Variants in HIVEP1 observed in about 807,000 individuals in gnomAD.
HIVEP1 encodes zinc finger protein 40.
Under a neutral mutation model 180.0 loss-of-function variants are expected in HIVEP1, and 36 were observed. The observed-to-expected ratio is 0.20, with a 90% CI of 0.15 to 0.26. The LOEUF is 0.26. HIVEP1 is among the 10% of genes least tolerant of loss of function. The pLI, the probability that HIVEP1 is intolerant of heterozygous loss-of-function variation, is 1.00. For synonymous variants in HIVEP1, 1,239 were observed against 1,239.0 expected (o/e 1.00, Z 0.00); for missense variants, 3,143 against 3,268.7 (o/e 0.96, Z 0.94).
In HIVEP1 at chr6:12,123,390, T is replaced by C; in HGVS notation, c.3595T>C (p.Ser1199Pro). Residue 1199 changes from serine to proline, a missense_variant, in exon 4 of 9, where the codon TCA becomes CCA. Ser to Pro is a moderately conservative substitution (Grantham distance 74, BLOSUM62 -1). This residue lies in a region of HIVEP1 where 1,357 missense variants were observed against 1,260.5 expected (regional missense o/e 1.08). Transcript: ENST00000379388. Reference sequence around the variant, plus strand: ...GTCTCATCCTCACCAGCTTGCACTATCAGACGCTCTCAGAGGAGAACTTCA... The same window carrying C: ...GTCTCATCCTCACCAGCTTGCACTACCAGACGCTCTCAGAGGAGAACTTCA... ...DGSHPHQLAL[S>P]DALRGELQES... The C allele has an allele frequency of 1.2e-6, 2 of 1,614,126 alleles. No homozygotes were observed. Among genetic ancestry groups the C allele is most frequent in the South Asian group, 2.2e-5 (2 of 91,076 alleles).
chr6:12,211,319 G>C, the HIVEP1 span, among the ~76,000 whole-genome samples: 1 of 102,672 alleles, frequency 9.7e-6, no homozygotes, highest in South Asian at 3.1e-4. Flanking sequence ...AGAATGGCGT[G>C]AACCCGGGAG....
At position 12,123,577 on chromosome 6, in the gene HIVEP1, G is replaced by T. The variant is rs766945057; in HGVS notation, c.3782G>T (p.Ser1261Ile). The change falls in exon 4 of 9, where the codon AGT becomes ATT. Residue 1261 changes from serine to isoleucine, a missense_variant. By Grantham distance (142) the Ser-to-Ile change is moderately radical. Around this residue, in one of 12 missense-constraint regions of HIVEP1, gnomAD observed 1,357 missense variants for 1,260.5 expected, o/e 1.08. Transcript: ENST00000379388. ...CHDQEKSEKFSWPQRSETLSK... is the reference protein window; with the variant it reads ...CHDQEKSEKFIWPQRSETLSK... ...GATCAAGAAAAGTCAGAGAAGTTCA[G>T]TTGGCCCCAGCGTAGTGAAACCTTG... The T allele has an allele frequency of 9.3e-6, 15 of 1,613,980 alleles. No homozygotes were observed. The East Asian group carries it at 1.6e-4, about 17-fold the overall frequency.
downstream of HIVEP1, among the ~76,000 whole-genome samples, chr6:12,166,498 T>C (rs374439295): frequency 8.5e-5 from 13 of 152,244 alleles, no homozygotes; most frequent in East Asian, 3.8e-4. Context: ...ACCTTTACTA[T>C]TGGCAACTTT....
At chr6:12,018,228 C>T (rs561224542) in intron 2 of HIVEP1, among the ~76,000 whole-genome samples, 1 of 152,368 alleles carries the variant, frequency 6.6e-6, no homozygotes, top group East Asian at 1.9e-4. Flanking sequence ...AGCTGGCCTA[C>T]AAGCGCCACG....
rs367826618 is a variant in HIVEP1 at position 12,121,227 on chromosome 6, G to A, written c.1432G>A (p.Glu478Lys). The change falls in exon 4 of 9, where the codon GAG becomes AAG. Residue 478 changes from glutamate (E) to lysine (K), a missense_variant. Glu to Lys is a moderately conservative substitution (Grantham distance 56, BLOSUM62 1). This residue lies in a region of HIVEP1 where 365 missense variants were observed against 344.4 expected (regional missense o/e 1.06). Transcript: ENST00000379388. The surrounding 1 kb of genome is among the most constrained non-coding windows in gnomAD (Gnocchi z 5.3). ...TGCTGGTGGCTTGTTCTTGTCCCACGAGTCCCCCAAAGCACTTAGTATTCA... is the reference window on the plus strand; with the variant it reads ...TGCTGGTGGCTTGTTCTTGTCCCACAAGTCCCCCAAAGCACTTAGTATTCA... Reference protein sequence around the residue: ...PDAGGLFLSHESPKALSIHSD... With the variant: ...PDAGGLFLSHKSPKALSIHSD... The A allele has an allele frequency of 2.5e-6, 4 of 1,614,088 alleles. No individual in the cohort carries two copies. The highest frequency in any genetic ancestry group is 2.5e-6 in the Non-Finnish European group (3 of 1,180,034).
At chr6:12,188,957 G>A in the HIVEP1 span, among the ~76,000 whole-genome samples, 1 of 151,850 alleles carries the variant, frequency 6.6e-6, no homozygotes, top group Non-Finnish European at 1.5e-5. Flanking sequence ...AAATAAAACA[G>A]TTTATTATTG....
intron 2 of HIVEP1, among the ~76,000 whole-genome samples, chr6:12,028,818 A>G (rs1768749824): frequency 6.6e-6 from 1 of 152,228 alleles, no homozygotes; most frequent in Non-Finnish European, 1.5e-5. Context: ...GTTTTAGAAC[A>G]TGTCTGTCAC....
intron 4 of HIVEP1, among the ~76,000 whole-genome samples, chr6:12,126,496 G>C (rs1466862402): frequency 6.6e-6 from 1 of 152,146 alleles, no homozygotes; most frequent in East Asian, 1.9e-4. Context: ...ACTGTAACTT[G>C]GGGTAATTTG....
chr6:12,106,872 A>G (rs1774462594), intron 3 of HIVEP1, among the ~76,000 whole-genome samples: 1 of 151,978 alleles, frequency 6.6e-6, no homozygotes, highest in Admixed American at 6.6e-5. Flanking sequence ...GTATTTTCTT[A>G]GTTTGCTAGT....
chr6:12,185,428 T>C, the HIVEP1 span, among the ~76,000 whole-genome samples: 1 of 152,216 alleles, frequency 6.6e-6, no homozygotes, highest in Non-Finnish European at 1.5e-5. Context: ...CTCCATGATT[T>C]CTGGCAGAGA....
downstream of HIVEP1, chr6:12,165,047 C>A: frequency 2.1e-6 from 1 of 476,184 alleles, no homozygotes; most frequent in Non-Finnish European, 4.1e-6. Context: ...GATCAGTGAT[C>A]TGCATTTGGA....
At chr6:12,052,587 C>A (rs1265045831) in intron 2 of HIVEP1, among the ~76,000 whole-genome samples, 1 of 152,168 alleles carries the variant, frequency 6.6e-6, no homozygotes, top group African/African-American at 2.4e-5. Flanking sequence ...GGAATTAAAA[C>A]TATCTTATGA....
rs191623839 is a variant in HIVEP1, at chr6:12,107,666, G to A, written c.95-12224G>A. Reference sequence around the variant, plus strand: ...GTGAAGCTGCAGACCTTCGTGGTGAGTGTTACAGCTCATAAAGGCAGTGTG... The same window carrying A: ...GTGAAGCTGCAGACCTTCGTGGTGAATGTTACAGCTCATAAAGGCAGTGTG... On this transcript the variant is annotated intron_variant, in intron 3 of 8. Transcript: ENST00000379388. 7.0e-4 allele frequency among the ~76,000 whole-genome samples: 106 copies of A among 152,346 alleles called. 2 individuals are homozygous for A. The East Asian group carries it at 0.02, about 29-fold the overall frequency.
chr6:12,122,571 T>C lies in HIVEP1; in HGVS notation c.2776T>C (p.Cys926Arg), dbSNP rs780949844. The C allele has an allele frequency of 4.3e-6, 7 of 1,614,168 alleles. No individual in the cohort carries two copies. The highest frequency in any genetic ancestry group is 4.2e-6 in the Non-Finnish European group (5 of 1,180,040). The change falls in exon 4 of 9, where the codon TGC (cysteine) becomes CGC (arginine). Residue 926 changes from cysteine to arginine, a missense_variant. Cys to Arg is a radical substitution (Grantham distance 180). This residue lies in a region of HIVEP1 where 204 missense variants were observed against 243.7 expected (regional missense o/e 0.84). Coordinates refer to ENST00000379388, the MANE Select transcript of HIVEP1 (RefSeq NM_002114.4). ...GQSLDESHQG[C>R]HAAGEAMSVR... ...GTCCCTGGATGAGAGCCACCAAGGA[T>C]GCCATGCTGCTGGTGAAGCCATGTC...
chr6:12,175,614 T>C, the HIVEP1 span, among the ~76,000 whole-genome samples: 2 of 152,232 alleles, frequency 1.3e-5, no homozygotes, highest in East Asian at 3.8e-4. Flanking sequence ...TTACACCCTA[T>C]TTTTAAATAC....
intron 2 of HIVEP1, among the ~76,000 whole-genome samples, chr6:12,075,355 G>T (rs1772281770): frequency 6.6e-6 from 1 of 152,118 alleles, no homozygotes; most frequent in South Asian, 2.1e-4. Flanking sequence ...TTTCAGCTTT[G>T]GTGTGTGCAA....
At chr6:12,104,430 T>TTTTC (rs1774310701) in intron 3 of HIVEP1, among the ~76,000 whole-genome samples, 1 of 119,640 alleles carries the variant, frequency 8.4e-6, no homozygotes, top group Admixed American at 8.4e-5. Context: ...CTTTCCTTTT[T>TTTTC]TTTTTTTTTT....
Position 12,120,638 on chromosome 6 carries a change from T to G in HIVEP1, c.843T>G (p.Ser281=), listed in dbSNP as rs1775514160. 6.2e-6 allele frequency: 10 copies of G among 1,614,216 alleles called. No homozygotes were observed. The highest frequency in any genetic ancestry group is 6.8e-6 in the Non-Finnish European group (8 of 1,180,034). The part of the protein sequence containing the change: ...KNEQGAMQSA[S]HLYHQHEHFV... ...AGCAAGGGGCAATGCAGTCAGCTTCTCATTTGTATCATCAACATGAACACT... is the reference window on the plus strand; with the variant it reads ...AGCAAGGGGCAATGCAGTCAGCTTCGCATTTGTATCATCAACATGAACACT... The change falls in exon 4 of 9, where the codon TCT becomes TCG. Residue 281 remains serine, a synonymous_variant. Coordinates refer to ENST00000379388, the MANE Select transcript of HIVEP1 (RefSeq NM_002114.4).
chr6:12,180,091 G>A, the HIVEP1 span, among the ~76,000 whole-genome samples: 3 of 150,798 alleles, frequency 2.0e-5, no homozygotes, highest in African/African-American at 7.3e-5. Flanking sequence ...TGTGTGCTAG[G>A]TATCCTGCTA....
Sources: allele counts gnomAD v4.1 joint callset (sites outside exome capture counted in the v4.1 genomes callset), GRCh38; gene constraint gnomAD v4.1.1; regional missense constraint gnomAD v4.1.1; non-coding constraint Gnocchi (gnomAD v3.1); transcripts MANE v1.5; gene names NCBI Gene and HGNC (gene_info 2026-07-23, HGNC 2026-07-21).